EPHA1: variants seen among roughly 807,000 people sequenced by gnomAD.
EPHA1 encodes the protein ephrin type-A receptor 1.
In EPHA1, 92 loss-of-function variants were observed where a neutral mutation model predicts 110.1. The observed-to-expected ratio is 0.84, with a 90% CI of 0.71 to 0.99. The LOEUF is 0.99. Ranked by LOEUF, EPHA1 falls within the 50% of genes least tolerant of loss-of-function variation. The pLI is 0.00. For missense variants in EPHA1, 1,204 were observed against 1,285.4 expected (o/e 0.94, Z 0.97); for synonymous variants, 500 against 516.1 (o/e 0.97, Z 0.42).
At chr7:143,399,139 C>T (rs982103651) in intron 5 of EPHA1, 119 bp downstream of exon 5, 2 of 1,389,266 alleles carry the variant, frequency 1.4e-6, no homozygotes, top group Non-Finnish European at 2.0e-6. Context: ...CTAAAAGTGC[C>T]TGACACCCTG....
chr7:143,395,032 G>T lies in EPHA1; in HGVS notation c.2146-18C>A. On this transcript the variant is annotated intron_variant, in intron 13 of 17. Transcript: ENST00000275815. The surrounding 1 kb of genome is among the most constrained non-coding windows in gnomAD (Gnocchi z 4.7). ...TCCCGCTCCTGCAGCAGGGTGAGTGGGTGAGTCAGGGGATGGGCCAGGTCT... is the reference window on the plus strand; with the variant it reads ...TCCCGCTCCTGCAGCAGGGTGAGTGTGTGAGTCAGGGGATGGGCCAGGTCT... 6.2e-7 allele frequency: 1 copy of T among 1,613,916 alleles called. No individual in the cohort carries two copies.
In EPHA1 at chr7:143,391,133, G is replaced by C; in HGVS notation, c.*324C>G. The C allele has an allele frequency of 2.8e-6, 1 of 359,720 alleles. No homozygotes were observed. The highest frequency in any genetic ancestry group is 3.7e-5 in the South Asian group (1 of 26,780). The allele number at this position is 359,720 out of a possible 1,614,324, so 22.3% of individuals were successfully genotyped here. A position where few individuals can be genotyped will look rare whatever the true frequency, so the allele number is the denominator to read the frequency against. ...AGAATTCTCAGTAGTCAGCTCTTTT[G>C]TAGTGCCTGCAGCCCTCATGGGTGG... is the stretch of plus-strand genomic sequence containing the variant. On this transcript the variant is annotated 3_prime_UTR_variant, in exon 18 of 18. Transcript: ENST00000275815.
At chr7:143,402,247 G>GA (rs1805442574) in intron 2 of EPHA1, among the ~76,000 whole-genome samples, 1 of 152,116 alleles carries the variant, frequency 6.6e-6, no homozygotes, top group African/African-American at 2.4e-5. Context: ...AAACCCTTTA[G>GA]ATTTGGAGGG....
Position 143,394,293 on chromosome 7 carries a change from C to G in EPHA1, c.2403G>C (p.Arg801=), listed in dbSNP as rs1344113098. The G allele has an allele frequency of 2.8e-5, 46 of 1,614,138 alleles. No individual in the cohort carries two copies. The highest frequency in any genetic ancestry group is 3.9e-5 in the Non-Finnish European group (46 of 1,180,022). The part of the protein sequence containing the change: ...RWTAPEAIAH[R]IFTTASDVWS... ...ACACATCGCTGGCTGTGGTGAAGAT[C>G]CGATGGGCAATGGCTTCAGGGGCTG... Residue 801 remains arginine, a synonymous_variant, in exon 15 of 18, where the codon CGG becomes CGC. Transcript: ENST00000275815.
intron 14 of EPHA1, 104 bp from the exon 15 acceptor site, chr7:143,394,447 A>G: frequency 1.5e-6 from 2 of 1,351,948 alleles, no homozygotes; most frequent in South Asian, 3.1e-5. Flanking sequence ...TTTGAGACAA[A>G]GTCTCGCTCT....
At chr7:143,397,280 C>G in intron 10 of EPHA1, 24 bp downstream of exon 10, 1 of 1,544,840 alleles carries the variant, frequency 6.5e-7, no homozygotes. Flanking sequence ...CATGTGGGGA[C>G]ACACGCAGGT....
In EPHA1 at chr7:143,398,436, C is replaced by T. The variant is rs773138765; in HGVS notation, c.1349G>A (p.Gly450Asp). The change falls in exon 7 of 18, where the codon GGC (glycine) becomes GAC (aspartate). Residue 450 changes from glycine to aspartate, a missense_variant. Coordinates refer to ENST00000275815, the MANE Select transcript of EPHA1 (RefSeq NM_005232.5). The stretch of plus-strand genomic sequence containing the variant: ...TTTCTTCACCAGTCTCAGAGACAGG[C>T]CTGACAGTGACTCTGGGGGTCCAGA... ...ISMGHAESLS[G>D]LSLRLVKKEP... 1.5e-5 allele frequency: 25 copies of T among 1,614,132 alleles called. No individual in the cohort carries two copies. The highest frequency in any genetic ancestry group is 2.0e-5 in the Non-Finnish European group (24 of 1,179,998).
intron 9 of EPHA1, 50 bp from the exon 10 acceptor site, chr7:143,397,412 G>T: frequency 6.5e-7 from 1 of 1,550,332 alleles, no homozygotes; most frequent in Non-Finnish European, 8.7e-7. Flanking sequence ...CCACCTCAGG[G>T]GTCCGAGGGA....
intron 16 of EPHA1, among the ~76,000 whole-genome samples, chr7:143,392,621 T>TC (rs1805121084): frequency 6.7e-6 from 1 of 149,940 alleles, no homozygotes; most frequent in Non-Finnish European, 1.5e-5. Context: ...TCTGACCATG[T>TC]CCCCCCATCC....
In EPHA1 at chr7:143,399,246, C is replaced by T; in HGVS notation, c.991+12G>A. On this transcript the variant is annotated intron_variant, in intron 5 of 17. Transcript: ENST00000275815. ...TCCCTCCAGATGGCCACGCCCCACCCCCTGGACTCACCTGTGCATGCCACC... is the reference window on the plus strand; with the variant it reads ...TCCCTCCAGATGGCCACGCCCCACCTCCTGGACTCACCTGTGCATGCCACC... 6.2e-7 allele frequency: 1 copy of T among 1,610,224 alleles called. No individual in the cohort carries two copies. Among genetic ancestry groups the T allele is most frequent in the Non-Finnish European group, 8.5e-7 (1 of 1,179,060 alleles).
chr7:143,407,642 A>G lies in EPHA1; in HGVS notation c.119T>C (p.Leu40Pro), dbSNP rs934062647. 10 of 1,613,464 alleles carry G rather than the reference A, an allele frequency of 6.2e-6. No individual in the cohort carries two copies. Among genetic ancestry groups the G allele is most frequent in the Non-Finnish European group, 8.5e-6 (10 of 1,179,732 alleles). Residue 40 changes from leucine (L) to proline (P), a missense_variant, in exon 2 of 18, where the codon CTG (leucine) becomes CCG (proline). Coordinates refer to ENST00000275815, the MANE Select transcript of EPHA1 (RefSeq NM_005232.5). ...TTTTGGGGGATCCAGCAGCCAGCCC[A>G]GCTCTCCCTGTGCCTTGCTTGTGTC... ...LMDTSKAQGELGWLLDPPKDG... is the reference protein window; with the variant it reads ...LMDTSKAQGEPGWLLDPPKDG...
rs1278749521 is a variant in EPHA1 at position 143,391,660 on chromosome 7, CAGCCG to C, written c.2807_2811del (p.Ser936TrpfsTer14). The stretch of plus-strand genomic sequence containing the variant: ...AGCACACACTCCATGGTGTCCAGCC[CAGCCG>C]AGTGGAAGTGCAGGATGTAGCGTTT... On this transcript the variant is annotated frameshift_variant, in exon 17 of 18. Transcript: ENST00000275815. LOFTEE classifies it high-confidence loss of function. 6.2e-7 allele frequency: 1 copy of C among 1,614,132 alleles called. No homozygotes were observed. Among genetic ancestry groups the C allele is most frequent in the South Asian group, 1.1e-5 (1 of 91,086 alleles).
At chr7:143,397,710 A>AG (rs542834261) in intron 8 of EPHA1, 53 bp from the exon 9 acceptor site, 14 of 1,605,146 alleles carry the variant, frequency 8.7e-6, no homozygotes, top group Non-Finnish European at 1.2e-5. Context: ...CGTAGGAATG[A>AG]GGGGGGTTAA....
chr7:143,393,878 C>A lies in EPHA1; in HGVS notation c.2503-14G>T. ...GCTCTTCATAACCTGCACGGCGGGA[C>A]AGGAGGATGCTCTAGAGTAGCAAGC... On this transcript the variant is annotated splice_polypyrimidine_tract_variant and intron_variant, in intron 15 of 17. Transcript: ENST00000275815. The surrounding 1 kb of genome is among the most constrained non-coding windows in gnomAD (Gnocchi z 5.6). 6.5e-7 allele frequency: 1 copy of A among 1,530,106 alleles called. No individual in the cohort carries two copies. 94.8% of individuals were successfully genotyped at this position (1,530,106 alleles called of 1,614,324 possible).
chr7:143,405,655 G>A (rs967044036), intron 2 of EPHA1, among the ~76,000 whole-genome samples: 3 of 152,208 alleles, frequency 2.0e-5, no homozygotes, highest in African/African-American at 7.2e-5. Context: ...GCCCATGGGA[G>A]CCAGAAGTCT....
At chr7:143,403,084 G>C (rs923418647) in intron 2 of EPHA1, among the ~76,000 whole-genome samples, 1 of 152,158 alleles carries the variant, frequency 6.6e-6, no homozygotes, top group Non-Finnish European at 1.5e-5. Flanking sequence ...AAGTATTTGA[G>C]GGCCGGGAGT....
rs1805290817 is a variant in EPHA1, at chr7:143,397,544, G to GGC, written c.1712+16_1712+17insGC. 6.2e-7 allele frequency: 1 copy of GGC among 1,613,798 alleles called. No individual in the cohort carries two copies. The highest frequency in any genetic ancestry group is 1.3e-5 in the African/African-American group (1 of 75,034). On this transcript the variant is annotated intron_variant, in intron 9 of 17. Coordinates refer to ENST00000275815, the MANE Select transcript of EPHA1 (RefSeq NM_005232.5). ...TGACCCAGGGCTGGTGGTTGGGGAG[G>GGC]GGGCAGGAGCTGGCACCTGGACCGG...
intron 2 of EPHA1, among the ~76,000 whole-genome samples, chr7:143,402,978 C>T (rs1242439618): frequency 6.6e-6 from 1 of 152,180 alleles, no homozygotes; most frequent in Non-Finnish European, 1.5e-5. Context: ...TTTTTCAATG[C>T]CTCCAGAGAA....
rs966908174 is a variant in EPHA1 at position 143,395,787 on chromosome 7, G to A, written c.1898-283C>T. 1.3e-5 allele frequency among the ~76,000 whole-genome samples: 2 copies of A among 152,226 alleles called. No individual in the cohort carries two copies. The highest frequency in any genetic ancestry group is 4.8e-5 in the African/African-American group (2 of 41,462). ...CAGGGTGAATGAACCCTGTGGAGCGGGACTGGGCCGTGCTCATGAAGAGCA... is the reference window on the plus strand; with the variant it reads ...CAGGGTGAATGAACCCTGTGGAGCGAGACTGGGCCGTGCTCATGAAGAGCA... On this transcript the variant is annotated intron_variant, in intron 11 of 17. Coordinates refer to ENST00000275815, the MANE Select transcript of EPHA1 (RefSeq NM_005232.5). This position sits in a 1 kb window ranked among gnomAD's most constrained non-coding sequence, Gnocchi z 4.7.
Sources: gnomAD v4.1 joint callset for allele counts (sites outside exome capture counted in the v4.1 genomes callset) on GRCh38, gnomAD v4.1.1 for gene constraint, Gnocchi (gnomAD v3.1) non-coding constraint, MANE v1.5 for transcripts, NCBI Gene and HGNC (gene_info 2026-07-23, HGNC 2026-07-21) for gene names.